The following SMURF1 variants were observed in gnomAD, a reference collection of about 807,000 sequenced individuals.
SMURF1 encodes SMAD specific E3 ubiquitin protein ligase 1.
Under a neutral mutation model 98.0 loss-of-function variants are expected in SMURF1, and 44 were observed. That is an observed-to-expected ratio of 0.45 (90% CI 0.35 to 0.58). The LOEUF (loss-of-function observed/expected upper bound fraction) is 0.58. Among genes scored for constraint, SMURF1 ranks in the 20% least tolerant of loss-of-function variants. SMURF1 has a pLI of 0.00. For synonymous variants in SMURF1, 396 were observed against 374.9 expected (o/e 1.06, Z -0.65); for missense variants, 687 against 938.4 (o/e 0.73, Z 3.50).
rs2150536262 is a variant in SMURF1, at chr7:99,058,732, T to G, written c.204-1181A>C. On this transcript the variant is annotated intron_variant, in intron 3 of 17. Coordinates refer to ENST00000361368, the MANE Select transcript of SMURF1 (RefSeq NM_181349.3). ...TTGTATTAACTAAAAGACAATAATC[T>G]TTCAGGATTACTTTGATGAAAATAT... Among the ~76,000 whole-genome samples, 7 of 152,340 alleles carry G rather than the reference T, an allele frequency of 4.6e-5. 1 individual carries two copies. In the South Asian group the frequency reaches 1.4e-3, roughly 32 times the overall value.
intron 1 of SMURF1, among the ~76,000 whole-genome samples, chr7:99,064,179 G>C (rs748629803): frequency 2.6e-5 from 4 of 152,122 alleles, no homozygotes; most frequent in Admixed American, 6.6e-5. Context: ...CTAGTATTTT[G>C]TTGAGGAATT....
intron 14 of SMURF1, 109 bp from the exon 15 acceptor site, chr7:99,037,296 G>A (rs1795182904): frequency 1.4e-5 from 19 of 1,402,412 alleles, no homozygotes; most frequent in Non-Finnish European, 1.9e-5. Context: ...GGAGTGCAAT[G>A]GCTCAATCTC....
At chr7:99,090,729 A>G (rs1360944500) in intron 1 of SMURF1, among the ~76,000 whole-genome samples, 1 of 152,206 alleles carries the variant, frequency 6.6e-6, no homozygotes, top group Non-Finnish European at 1.5e-5. Context: ...AATAAAAAAT[A>G]TTCAACAAAT....
Position 99,052,402 on chromosome 7 carries a change from A to T in SMURF1, c.524T>A (p.Phe175Tyr). Residue 175 changes from phenylalanine to tyrosine, a missense_variant, in exon 7 of 18, where the codon TTC (phenylalanine) becomes TAC (tyrosine). Coordinates refer to ENST00000361368, the MANE Select transcript of SMURF1 (RefSeq NM_181349.3). ...DSGPGRPLSC[F>Y]MEEPAPYTDS... ...TGTGTAAGGGGCTGGTTCCTCCATGAAGCAGCTGAGCGGCCTCCCAGGCCC... is the reference window on the plus strand; with the variant it reads ...TGTGTAAGGGGCTGGTTCCTCCATGTAGCAGCTGAGCGGCCTCCCAGGCCC... 5.0e-6 allele frequency: 8 copies of T among 1,602,498 alleles called. No homozygotes were observed. The highest frequency in any genetic ancestry group is 6.8e-6 in the Non-Finnish European group (8 of 1,173,414).
chr7:99,051,389 T>G lies in SMURF1; in HGVS notation c.774A>C (p.Gly258=). 1 of 1,614,154 alleles carries G rather than the reference T, an allele frequency of 6.2e-7. No individual in the cohort carries two copies. The highest frequency in any genetic ancestry group is 1.1e-5 in the South Asian group (1 of 91,080). Residue 258 remains glycine, a synonymous_variant, in exon 8 of 18, where the codon GGA becomes GGC. Coordinates refer to ENST00000361368, the MANE Select transcript of SMURF1 (RefSeq NM_181349.3). ...GQVYFLHTQT[G]VSTWHDPRIP... ...TCCTGGGGTCGTGCCACGTGCTAAC[T>G]CCAGTCTGTGTATGCAAAAAGTAAA...
intron 1 of SMURF1, among the ~76,000 whole-genome samples, chr7:99,133,240 C>T (rs1797911853): frequency 6.6e-6 from 1 of 152,028 alleles, no homozygotes; most frequent in Admixed American, 6.5e-5. Context: ...TTTTCCCTAT[C>T]GTTAGAACCC....
chr7:99,063,279 A>ATATAAGATT (rs1796103633), intron 1 of SMURF1, among the ~76,000 whole-genome samples: 1 of 19,352 alleles, frequency 5.2e-5, no homozygotes, highest in Admixed American at 8.1e-4. Flanking sequence ...ATATATATAT[A>ATATAAGATT]TATATATATA....
At chr7:99,101,023 A>G (rs1215731074) in intron 1 of SMURF1, among the ~76,000 whole-genome samples, 17 of 152,226 alleles carry the variant, frequency 1.1e-4, no homozygotes, top group Admixed American at 7.9e-4. Flanking sequence ...AATGCATTCG[A>G]TAAGTTTTCC....
At chr7:99,057,702 A>G in intron 3 of SMURF1, 151 bp from the exon 4 acceptor site, 2 of 928,586 alleles carry the variant, frequency 2.2e-6, no homozygotes, top group Non-Finnish European at 3.0e-6. Flanking sequence ...AGTTCAAGTG[A>G]TTCTCCTGCC....
intron 16 of SMURF1, among the ~76,000 whole-genome samples, chr7:99,033,474 G>A (rs1584438597): frequency 6.6e-6 from 1 of 152,084 alleles, no homozygotes; most frequent in Non-Finnish European, 1.5e-5. Context: ...CTGGCTAATT[G>A]TTGTATTTTT....
At chr7:99,139,509 G>A (rs1002989743) in intron 1 of SMURF1, among the ~76,000 whole-genome samples, 3 of 152,152 alleles carry the variant, frequency 2.0e-5, no homozygotes, top group African/African-American at 7.2e-5. Flanking sequence ...GAAGAGCATT[G>A]TAGAACCCTG....
At chr7:99,131,344 C>T (rs1032876337) in intron 1 of SMURF1, among the ~76,000 whole-genome samples, 15 of 152,132 alleles carry the variant, frequency 9.9e-5, no homozygotes, top group Non-Finnish European at 1.5e-4. Flanking sequence ...CCTCCTCACC[C>T]GGCCTGAGAA....
chr7:99,041,773 G>A (rs2072171), intron 12 of SMURF1, among the ~76,000 whole-genome samples: 13,837 of 152,248 alleles, frequency 0.091, 669 homozygotes, highest in East Asian at 0.21. Context: ...AGTTTTGACC[G>A]GGAGGAGGCT....
At chr7:99,123,795 C>T (rs1404632497) in intron 1 of SMURF1, among the ~76,000 whole-genome samples, 1 of 152,154 alleles carries the variant, frequency 6.6e-6, no homozygotes, top group Admixed American at 6.6e-5. Flanking sequence ...TAGAAACAAT[C>T]TTTACTCCAA....
intron 1 of SMURF1, among the ~76,000 whole-genome samples, chr7:99,065,000 T>A (rs774563613): frequency 2.0e-5 from 3 of 152,228 alleles, no homozygotes; most frequent in Non-Finnish European, 4.4e-5. Flanking sequence ...ACTTCATAAG[T>A]AAATGAGGAA....
At position 99,049,622 on chromosome 7, in the gene SMURF1, A is replaced by T; in HGVS notation, c.894T>A (p.Phe298Leu). Residue 298 changes from phenylalanine (F) to leucine (L), a missense_variant, in exon 9 of 18, where the codon TTT (phenylalanine) becomes TTA (leucine). Physicochemically the swap from Phe to Leu is conservative, Grantham distance 22. Around this residue, in one of 2 missense-constraint regions of SMURF1, gnomAD observed 415 missense variants for 508.4 expected, o/e 0.82. Transcript: ENST00000361368. ...GGGTTGTTCGGTTATTATGATCTACAAAATATATCCTCCCAGAAACTGTAC... is the reference window on the plus strand; with the variant it reads ...GGGTTGTTCGGTTATTATGATCTACTAAATATATCCTCCCAGAAACTGTAC... ...VRSTVSGRIY[F>L]VDHNNRTTQF... 1 of 1,614,182 alleles carries T rather than the reference A, an allele frequency of 6.2e-7. No individual in the cohort carries two copies. Among genetic ancestry groups the T allele is most frequent in the Non-Finnish European group, 8.5e-7 (1 of 1,180,004 alleles).
At chr7:99,142,567 GCT>G in intron 1 of SMURF1, among the ~76,000 whole-genome samples, 1 of 138,616 alleles carries the variant, frequency 7.2e-6, no homozygotes, top group Non-Finnish European at 1.6e-5. Flanking sequence ...AGGGGGCGGG[GCT>G]AGGCAGGAAT....
intron 1 of SMURF1, among the ~76,000 whole-genome samples, chr7:99,115,414 G>GA (rs1333810931): frequency 6.6e-6 from 1 of 152,066 alleles, no homozygotes; most frequent in Non-Finnish European, 1.5e-5. Flanking sequence ...ACAACACAGT[G>GA]AAACCCTGTC....
rs184623237 is a variant in SMURF1, at chr7:99,102,014, C to G, written c.56-40177G>C. Among the ~76,000 whole-genome samples, 19 of 151,520 alleles carry G rather than the reference C, an allele frequency of 1.3e-4. No homozygotes were observed. The East Asian group carries it at 3.5e-3, about 28-fold the overall frequency. On this transcript the variant is annotated intron_variant, in intron 1 of 17. Transcript: ENST00000361368. ...TTGCATTTCCATGTCTAGGCACATTCAAAGACTTTTAATGTGATATTATGA... is the reference window on the plus strand; with the variant it reads ...TTGCATTTCCATGTCTAGGCACATTGAAAGACTTTTAATGTGATATTATGA...
Sources: allele counts gnomAD v4.1 joint callset (sites outside exome capture counted in the v4.1 genomes callset), GRCh38; gene constraint gnomAD v4.1.1; regional missense constraint gnomAD v4.1.1; transcripts MANE v1.5; gene names NCBI Gene and HGNC (gene_info 2026-07-23, HGNC 2026-07-21).